Variants in STIM1 observed in about 807,000 individuals in gnomAD.
The protein encoded by STIM1 is stromal interaction molecule 1.
In STIM1, 25 loss-of-function variants were observed where a neutral mutation model predicts 74.7. The ratio of observed to expected loss-of-function variants is 0.33; its 90% CI spans 0.24 to 0.47. STIM1 has a LOEUF of 0.47. Ranked by LOEUF, STIM1 falls within the 20% of genes least tolerant of loss-of-function variation. STIM1 has a pLI of 1.00. For synonymous variants in STIM1, 328 were observed against 348.8 expected, an observed-to-expected ratio of 0.94 and a Z score of 0.66; for missense variants, 728 against 920.8, an observed-to-expected ratio of 0.79 and a Z score of 2.71.
chr11:4,047,822 T>C (rs1164580874), intron 3 of STIM1, among the ~76,000 whole-genome samples: 16 of 145,744 alleles, frequency 1.1e-4, no homozygotes, highest in African/African-American at 1.5e-4. Flanking sequence ...CTGTCTCTCT[T>C]TTTTTTTTTT....
intron 1 of STIM1, among the ~76,000 whole-genome samples, chr11:3,895,973 C>T (rs986721974): frequency 3.3e-5 from 5 of 149,372 alleles, no homozygotes; most frequent in East Asian, 1.9e-4. Context: ...GGCGCGATCT[C>T]GGCTCACTGC....
At chr11:3,863,754 C>T (rs142800071) in intron 1 of STIM1, among the ~76,000 whole-genome samples, 7 of 152,214 alleles carry the variant, frequency 4.6e-5, no homozygotes, top group Non-Finnish European at 1.0e-4. Flanking sequence ...TCTTAGGGAT[C>T]AGATCGACTG....
intron 2 of STIM1, among the ~76,000 whole-genome samples, chr11:3,988,593 T>C (rs1053883302): frequency 2.0e-5 from 3 of 152,168 alleles, no homozygotes; most frequent in Non-Finnish European, 4.4e-5. Flanking sequence ...CACAACTGAA[T>C]AGCATGTATA....
intron 1 of STIM1, among the ~76,000 whole-genome samples, chr11:3,914,623 G>A (rs1403840453): frequency 6.6e-6 from 1 of 152,074 alleles, no homozygotes; most frequent in Non-Finnish European, 1.5e-5. Context: ...TGTATTTTTA[G>A]TGGAGATGGG....
At chr11:4,004,143 A>G (rs1398969736) in intron 2 of STIM1, among the ~76,000 whole-genome samples, 1 of 152,250 alleles carries the variant, frequency 6.6e-6, no homozygotes, top group Non-Finnish European at 1.5e-5. Flanking sequence ...AAGAATCAAT[A>G]TCATGAAAAT....
intron 3 of STIM1, among the ~76,000 whole-genome samples, chr11:4,040,741 C>T (rs1400158912): frequency 6.6e-6 from 1 of 152,200 alleles, no homozygotes; most frequent in East Asian, 1.9e-4. Flanking sequence ...TTTCATAGCA[C>T]CTAGGTTCTC....
chr11:4,085,634 T>C (rs1468373503), intron 11 of STIM1, among the ~76,000 whole-genome samples: 1 of 152,222 alleles, frequency 6.6e-6, no homozygotes, highest in African/African-American at 2.4e-5. Context: ...ATTTTTTATG[T>C]GGTTAAGATA....
In STIM1 at chr11:3,856,342, C is replaced by A. The variant is rs1364406327; in HGVS notation, c.72C>A (p.Ser24Arg). 2 of 1,614,074 alleles carry A rather than the reference C, an allele frequency of 1.2e-6. No homozygotes were observed. Among genetic ancestry groups the A allele is most frequent in the Non-Finnish European group, 1.7e-6 (2 of 1,180,042 alleles). The change falls in exon 1 of 13, where the codon AGC (serine) becomes AGA (arginine). Residue 24 changes from serine (S) to arginine (R), a missense_variant. Transcript: ENST00000526596. ...TCCTGCACCAGGGCCAGAGCCTCAG[C>A]CATAGTCACAGTGAGAAGGCGACAG... is the stretch of plus-strand genomic sequence containing the variant. Reference protein sequence around the residue: ...GLLLHQGQSLSHSHSEKATGT... With the variant: ...GLLLHQGQSLRHSHSEKATGT...
chr11:3,895,537 G>C (rs1452707337), intron 1 of STIM1, among the ~76,000 whole-genome samples: 2 of 152,092 alleles, frequency 1.3e-5, no homozygotes, highest in East Asian at 1.9e-4. Flanking sequence ...GCCCAGAAAG[G>C]AGATGCACTT....
chr11:3,904,196 C>CAAAAAAAAAAAAAAAAAAAAAAA (rs57908154), intron 1 of STIM1, among the ~76,000 whole-genome samples: 12 of 73,862 alleles, frequency 1.6e-4, no homozygotes, highest in Non-Finnish European at 2.4e-4. Flanking sequence ...GACTCTGTCT[C>CAAAAAAAAAAAAAAAAAAAAAAA]AAAAAAAAAA....
intron 1 of STIM1, among the ~76,000 whole-genome samples, chr11:3,869,778 G>A (rs1022285576): frequency 1.9e-4 from 29 of 152,236 alleles, no homozygotes; most frequent in African/African-American, 6.8e-4. Context: ...AATATGCACA[G>A]TACATTGGTA....
intron 8 of STIM1, 68 bp from the exon 9 acceptor site, chr11:4,082,814 A>C: frequency 2.3e-6 from 3 of 1,307,230 alleles, no homozygotes; most frequent in Non-Finnish European, 3.3e-6. Context: ...GCCATAGGGG[A>C]AGGCCTTTCT....
chr11:3,990,722 T>C (rs575467451), intron 2 of STIM1, among the ~76,000 whole-genome samples: 4 of 152,356 alleles, frequency 2.6e-5, no homozygotes, highest in African/African-American at 9.6e-5. Flanking sequence ...CATCTTTTCA[T>C]GTGCTTAATG....
intron 3 of STIM1, among the ~76,000 whole-genome samples, chr11:4,044,311 T>C (rs2094173326): frequency 6.6e-6 from 1 of 152,236 alleles, no homozygotes; most frequent in Admixed American, 6.5e-5. Flanking sequence ...TTCTGCAGCC[T>C]GTCACTGATA....
At chr11:3,872,333 G>T (rs942058266) in intron 1 of STIM1, among the ~76,000 whole-genome samples, 4 of 152,068 alleles carry the variant, frequency 2.6e-5, no homozygotes, top group Non-Finnish European at 4.4e-5. Context: ...GATTACAGAC[G>T]TGATCCACTG....
intron 3 of STIM1, among the ~76,000 whole-genome samples, chr11:4,047,863 G>A (rs1229677309): frequency 6.8e-6 from 1 of 147,738 alleles, no homozygotes; most frequent in Non-Finnish European, 1.5e-5. Flanking sequence ...CTGTCACCCA[G>A]GCTGGAGTGC....
At chr11:3,940,956 T>C (rs899619467) in intron 1 of STIM1, among the ~76,000 whole-genome samples, 3 of 152,258 alleles carry the variant, frequency 2.0e-5, no homozygotes, top group South Asian at 2.1e-4. Context: ...GCTTGGACTC[T>C]AGAGCCAGAC....
intron 3 of STIM1, among the ~76,000 whole-genome samples, chr11:4,026,452 A>C (rs1284037375): frequency 6.6e-6 from 1 of 152,224 alleles, no homozygotes; most frequent in East Asian, 1.9e-4. Context: ...TTTCTCACAG[A>C]AACCATATGA....
intron 2 of STIM1, among the ~76,000 whole-genome samples, chr11:3,991,544 A>G (rs2093611357): frequency 6.6e-6 from 1 of 152,064 alleles, no homozygotes; most frequent in Non-Finnish European, 1.5e-5. Context: ...CAGTGAACAT[A>G]TGAGTGCACA....
Sources: gnomAD v4.1 joint callset for allele counts (sites outside exome capture counted in the v4.1 genomes callset) on GRCh38, gnomAD v4.1.1 for gene constraint, MANE v1.5 for transcripts, NCBI Gene and HGNC (gene_info 2026-07-23, HGNC 2026-07-21) for gene names.